ATXN8OS: variants seen among roughly 807,000 people sequenced by gnomAD.
ATXN8OS encodes ATXN8 opposite strand (non-protein coding).
intron 4 of ATXN8OS, among the ~76,000 whole-genome samples, chr13:70,167,169 T>A (rs536758668): frequency 7.9e-5 from 12 of 152,206 alleles, no homozygotes; most frequent in Middle Eastern, 3.4e-3. Flanking sequence ...TTACTGGGTA[T>A]ATACCCAAAG....
intron 4 of ATXN8OS, among the ~76,000 whole-genome samples, chr13:70,162,603 A>T (rs1211899099): frequency 2.0e-5 from 3 of 152,056 alleles, no homozygotes; most frequent in African/African-American, 7.2e-5. Flanking sequence ...TACTCACAGA[A>T]CTGTCTTTGC....
intron 4 of ATXN8OS, among the ~76,000 whole-genome samples, chr13:70,154,375 G>A (rs925608279): frequency 6.6e-6 from 1 of 152,030 alleles, no homozygotes; most frequent in Non-Finnish European, 1.5e-5. Flanking sequence ...CCTGCAGAGG[G>A]GCTGCTACTT....
At chr13:70,141,691 C>A (rs912742465) in intron 3 of ATXN8OS, among the ~76,000 whole-genome samples, 16 of 151,610 alleles carry the variant, frequency 1.1e-4, no homozygotes, top group African/African-American at 3.4e-4. Flanking sequence ...ACTCAAACTC[C>A]AAAAAAGCCA....
At chr13:70,144,958 C>A (rs532820349) in intron 3 of ATXN8OS, among the ~76,000 whole-genome samples, 2 of 152,134 alleles carry the variant, frequency 1.3e-5, no homozygotes, top group Admixed American at 6.5e-5. Context: ...GTCAAGGTGT[C>A]ACACCTTGCC....
intron 3 of ATXN8OS, among the ~76,000 whole-genome samples, chr13:70,133,299 A>C (rs1226518807): frequency 6.6e-6 from 1 of 152,208 alleles, no homozygotes; most frequent in Non-Finnish European, 1.5e-5. Flanking sequence ...GTGCGCCTGT[A>C]GTCCTAGCTA....
intron 4 of ATXN8OS, among the ~76,000 whole-genome samples, chr13:70,152,978 G>A (rs117554808): frequency 0.011 from 1,601 of 147,638 alleles, 10 homozygotes; most frequent in Non-Finnish European, 0.017. Context: ...GTCAAAAGAA[G>A]GAGAAATAGA....
In ATXN8OS at chr13:70,167,739, T is replaced by C. The variant is rs4497549; in HGVS notation, n.574-2014T>C. Among the ~76,000 whole-genome samples the C allele has an allele frequency of 9.5e-3, 1,056 of 111,154 alleles. 12 individuals carry two copies. The highest frequency in any genetic ancestry group is 0.024 in the African/African-American group (732 of 30,964). 72.9% of individuals were successfully genotyped at this position (111,154 alleles called of 152,430 possible). ...ATGTAACTTCTTTTTTTTTTTTTTTTTTTTTTTTTTGAGACAGACAGAGTC... is the reference window on the plus strand; with the variant it reads ...ATGTAACTTCTTTTTTTTTTTTTTTCTTTTTTTTTTGAGACAGACAGAGTC... On this transcript the variant is annotated intron_variant and non_coding_transcript_variant, in intron 4 of 4. Coordinates refer to ENST00000678624, the Ensembl canonical transcript of ATXN8OS.
chr13:70,146,648 G>A (rs867565984), intron 3 of ATXN8OS, among the ~76,000 whole-genome samples: 20 of 151,166 alleles, frequency 1.3e-4, no homozygotes, highest in Middle Eastern at 7.0e-3. Context: ...ATCATTCTCA[G>A]CAAACTATCA....
At chr13:70,169,603 T>C (rs1889120741) in intron 4 of ATXN8OS, among the ~76,000 whole-genome samples, 1 of 152,130 alleles carries the variant, frequency 6.6e-6, no homozygotes, top group South Asian at 2.1e-4. Flanking sequence ...AGAAAACATT[T>C]AATCTTTGAA....
chr13:70,170,709 T>C (rs1889134537), exon 5 of ATXN8OS, among the ~76,000 whole-genome samples: 1 of 152,126 alleles, frequency 6.6e-6, no homozygotes, highest in African/African-American at 2.4e-5. Context: ...TATTTACATA[T>C]AAAATGAATA....
intron 4 of ATXN8OS, among the ~76,000 whole-genome samples, chr13:70,152,329 C>T (rs1246495910): frequency 1.4e-5 from 2 of 147,812 alleles, no homozygotes; most frequent in African/African-American, 5.0e-5. Context: ...TCGTCTATCC[C>T]AGCTGTACAC....
intron 1 of ATXN8OS, among the ~76,000 whole-genome samples, chr13:70,113,921 CA>C (rs1430077827): frequency 1.3e-5 from 2 of 152,096 alleles, no homozygotes; most frequent in African/African-American, 4.8e-5. Flanking sequence ...AAATAGTTTT[CA>C]AATGCTCTTT....
At chr13:70,119,983 C>A (rs552278568) in intron 2 of ATXN8OS, among the ~76,000 whole-genome samples, 2 of 152,050 alleles carry the variant, frequency 1.3e-5, no homozygotes, top group Admixed American at 1.3e-4. Context: ...ATTTAACCTG[C>A]AGTTTACATT....
chr13:70,171,019 G>GCACTGT (rs1168277626), exon 5 of ATXN8OS, among the ~76,000 whole-genome samples: 1 of 152,120 alleles, frequency 6.6e-6, no homozygotes, highest in Non-Finnish European at 1.5e-5. Flanking sequence ...CCTGTATAGG[G>GCACTGT]CACTGTTAAA....
rs1302284831 is a variant in ATXN8OS, at chr13:70,107,857, AGGCGAAGGCTGGAGCGCAGAC to A, written n.82_102del. The A allele has an allele frequency of 4.0e-5, 24 of 597,410 alleles. 1 individual carries two copies. The East Asian group carries it at 6.0e-4, about 15-fold the overall frequency. 37.0% of individuals were successfully genotyped at this position (597,410 alleles called of 1,614,324 possible). A position where few individuals can be genotyped will look rare whatever the true frequency, so the allele number is the denominator to read the frequency against. The stretch of plus-strand genomic sequence containing the variant: ...CGCTAGGTGGGCTGCGCGCTCTGCC[AGGCGAAGGCTGGAGCGCAGAC>A]GGCAAAGCCGCGCGTTTCAGCCGTG... On this transcript the variant is annotated non_coding_transcript_exon_variant, in exon 1 of 5. Transcript: ENST00000678624.
chr13:70,108,175 G>A (rs1888124278), intron 1 of ATXN8OS: 1 of 399,446 alleles, frequency 2.5e-6, no homozygotes, highest in Admixed American at 4.3e-5. Context: ...GCAGCTCAGA[G>A]TTCAGTGTCT....
At chr13:70,156,576 A>G (rs680683) in intron 4 of ATXN8OS, among the ~76,000 whole-genome samples, 152,086 of 152,192 alleles carry the variant, frequency 1, 75,990 homozygotes, top group Non-Finnish European at 1. Context: ...AAGTAAAATT[A>G]AGGTGTATTA....
chr13:70,116,358 A>C (rs2137471740), intron 2 of ATXN8OS, among the ~76,000 whole-genome samples: 1 of 152,256 alleles, frequency 6.6e-6, no homozygotes, highest in South Asian at 2.1e-4. Flanking sequence ...TATGTGCTTA[A>C]GCTCCACTGA....
At chr13:70,112,363 A>G (rs1433817313) in intron 1 of ATXN8OS, among the ~76,000 whole-genome samples, 1 of 152,180 alleles carries the variant, frequency 6.6e-6, no homozygotes, top group Non-Finnish European at 1.5e-5. Context: ...AAATAATTAT[A>G]TAGAACTTTT....
Sources: gnomAD v4.1 joint callset for allele counts (sites outside exome capture counted in the v4.1 genomes callset) on GRCh38, gnomAD v4.1.1 for gene constraint, MANE v1.5 for transcripts, NCBI Gene and HGNC (gene_info 2026-07-23, HGNC 2026-07-21) for gene names.